DIAPH3: variants seen among roughly 807,000 people sequenced by gnomAD.
DIAPH3 encodes protein diaphanous homolog 3.
In DIAPH3, 117 loss-of-function variants were observed where a neutral mutation model predicts 144.3. That is an observed-to-expected ratio of 0.81 (90% confidence interval 0.70 to 0.95). The LOEUF is 0.95. Among genes scored for constraint, DIAPH3 ranks in the 40% least tolerant of loss-of-function variants. DIAPH3 has a pLI of 0.00. For missense variants in DIAPH3, 1,421 were observed against 1,412.7 expected, an observed-to-expected ratio of 1.01 and a Z score of -0.09; for synonymous variants, 519 against 488.9, an observed-to-expected ratio of 1.06 and a Z score of -0.81.
chr13:59,878,595 C>G (rs1566455159), intron 21 of DIAPH3, among the ~76,000 whole-genome samples: 1 of 152,012 alleles, frequency 6.6e-6, no homozygotes, highest in Non-Finnish European at 1.5e-5. Flanking sequence ...GGAAAGAGCT[C>G]TGTTTTATAA....
At chr13:59,736,281 T>A (rs957561856) in intron 27 of DIAPH3, among the ~76,000 whole-genome samples, 1 of 152,232 alleles carries the variant, frequency 6.6e-6, no homozygotes, top group African/African-American at 2.4e-5. Context: ...AACAGACTGA[T>A]TTATATTCCT....
At chr13:59,834,314 A>G (rs1026897475) in intron 23 of DIAPH3, among the ~76,000 whole-genome samples, 6 of 151,786 alleles carry the variant, frequency 4.0e-5, no homozygotes, top group African/African-American at 1.4e-4. Context: ...ATTAACATTT[A>G]ACGAAATGGA....
At chr13:59,982,487 T>C (rs949613066) in intron 13 of DIAPH3, among the ~76,000 whole-genome samples, 2 of 151,482 alleles carry the variant, frequency 1.3e-5, no homozygotes, top group African/African-American at 4.8e-5. Context: ...ATTAATATTA[T>C]CTAGTTCTTC....
At chr13:60,152,487 G>GATAT (rs144792127) in intron 1 of DIAPH3, among the ~76,000 whole-genome samples, 3,808 of 140,004 alleles carry the variant, frequency 0.027, 129 homozygotes, top group African/African-American at 0.089. Context: ...TTTAGGGAAA[G>GATAT]ATATATATAT....
chr13:59,714,883 T>C (rs2034969578), intron 27 of DIAPH3, among the ~76,000 whole-genome samples: 1 of 152,120 alleles, frequency 6.6e-6, no homozygotes, highest in African/African-American at 2.4e-5. Context: ...GAAAATTGTT[T>C]TTGAGAACAA....
chr13:60,069,900 C>T (rs137998826), intron 4 of DIAPH3, among the ~76,000 whole-genome samples: 4 of 152,194 alleles, frequency 2.6e-5, no homozygotes, highest in Non-Finnish European at 4.4e-5. Flanking sequence ...AGTTTGAAGT[C>T]GGGTAGTGAA....
chr13:59,748,698 A>T (rs2036828850), intron 27 of DIAPH3, among the ~76,000 whole-genome samples: 1 of 152,146 alleles, frequency 6.6e-6, no homozygotes, highest in Non-Finnish European at 1.5e-5. Context: ...GCAACCTGTA[A>T]AAACTTAAAT....
chr13:59,774,391 G>A, intron 26 of DIAPH3, 143 bp from the exon 27 acceptor site: 1 of 716,038 alleles, frequency 1.4e-6, no homozygotes, highest in Non-Finnish European at 2.4e-6. Context: ...ACTTGAAGCA[G>A]TAATGTTATG....
chr13:59,850,245 A>T (rs1412629330), intron 22 of DIAPH3, among the ~76,000 whole-genome samples: 1 of 151,596 alleles, frequency 6.6e-6, no homozygotes, highest in East Asian at 2.0e-4. Context: ...TTTCTAGATA[A>T]ACAATCATGT....
At position 60,163,732 on chromosome 13, in the gene DIAPH3, G is replaced by A; in HGVS notation, c.35C>T (p.Ala12Val). 2 of 1,605,816 alleles carry A rather than the reference G, an allele frequency of 1.2e-6. No individual in the cohort carries two copies. The highest frequency in any genetic ancestry group is 1.7e-6 in the Non-Finnish European group (2 of 1,176,476). ...GGGAGTCCCAGCGGCTGAGCCTTGG[G>A]CCGGGTGGTGCAGCCGCGGCTGGTG... is the stretch of plus-strand genomic sequence containing the variant. ...ERHQPRLHHPAQGSAAGTPYP... is the reference protein window; with the variant it reads ...ERHQPRLHHPVQGSAAGTPYP... Residue 12 changes from alanine (A) to valine (V), a missense_variant, in exon 1 of 28, where the codon GCC becomes GTC. Transcript: ENST00000400324.
intron 22 of DIAPH3, 51 bp from the exon 23 acceptor site, chr13:59,839,499 A>G (rs2042225259): frequency 1.3e-6 from 2 of 1,576,720 alleles, no homozygotes; most frequent in Non-Finnish European, 1.7e-6. Context: ...ATAATATATA[A>G]AAGGTAAGAC....
Position 59,879,338 on chromosome 13 carries a change from C to T in DIAPH3, c.2498G>A (p.Ser833Asn). Reference protein sequence around the residue: ...VSTACEEIKKSKSFSKLLELV... With the variant: ...VSTACEEIKKNKSFSKLLELV... ...TTCCAGCAACTTGCTAAAGCTTTTG[C>T]TCTTCTTTATCTCTTCGCAGGCAGT... is the stretch of plus-strand genomic sequence containing the variant. Residue 833 changes from serine to asparagine, a missense_variant, in exon 21 of 28, where the codon AGC (serine) becomes AAC (asparagine). Transcript: ENST00000400324. 2.5e-6 allele frequency: 4 copies of T among 1,613,866 alleles called. No homozygotes were observed. The highest frequency in any genetic ancestry group is 2.2e-5 in the East Asian group (1 of 44,870).
chr13:59,766,261 T>C (rs190626460), intron 27 of DIAPH3, among the ~76,000 whole-genome samples: 39 of 152,266 alleles, frequency 2.6e-4, no homozygotes, highest in African/African-American at 9.1e-4. Flanking sequence ...TTTCTTACCA[T>C]GGATTTCACA....
intron 18 of DIAPH3, among the ~76,000 whole-genome samples, chr13:59,920,357 T>C (rs1330503586): frequency 1.3e-5 from 2 of 151,796 alleles, no homozygotes; most frequent in Non-Finnish European, 2.9e-5. Context: ...TAGAAAAAGA[T>C]ATGCCATGCA....
intron 27 of DIAPH3, among the ~76,000 whole-genome samples, chr13:59,675,334 C>G (rs2032586382): frequency 6.6e-6 from 1 of 152,032 alleles, no homozygotes. Flanking sequence ...TCCCAAAGTG[C>G]TGGAGTTACA....
chr13:59,926,556 C>T (rs1379619822), intron 17 of DIAPH3, among the ~76,000 whole-genome samples: 1 of 152,098 alleles, frequency 6.6e-6, no homozygotes, highest in Non-Finnish European at 1.5e-5. Flanking sequence ...TTAATTTCTT[C>T]ATAACATATT....
At chr13:60,099,058 T>C (rs1044919520) in intron 3 of DIAPH3, among the ~76,000 whole-genome samples, 1 of 152,202 alleles carries the variant, frequency 6.6e-6, no homozygotes. Flanking sequence ...AAAATTTTAA[T>C]CTCTCTGAAG....
At chr13:59,833,978 T>C (rs2041914938) in intron 23 of DIAPH3, among the ~76,000 whole-genome samples, 1 of 151,708 alleles carries the variant, frequency 6.6e-6, no homozygotes, top group Non-Finnish European at 1.5e-5. Flanking sequence ...ACCAAATTAG[T>C]GTTCCAACTT....
intron 27 of DIAPH3, among the ~76,000 whole-genome samples, chr13:59,730,673 T>A (rs2035853792): frequency 6.6e-6 from 1 of 152,198 alleles, no homozygotes; most frequent in Non-Finnish European, 1.5e-5. Context: ...AACCTGACTT[T>A]TGAGATTTGA....
Sources: gnomAD v4.1 joint callset for allele counts (sites outside exome capture counted in the v4.1 genomes callset) on GRCh38, gnomAD v4.1.1 for gene constraint, MANE v1.5 for transcripts, NCBI Gene and HGNC (gene_info 2026-07-23, HGNC 2026-07-21) for gene names.